EYS: variants seen among roughly 807,000 people sequenced by gnomAD.
EYS encodes the protein protein eyes shut homolog.
In EYS, 250 loss-of-function variants were observed where a neutral mutation model predicts 282.1. The ratio of observed to expected loss-of-function variants is 0.89; its 90% CI spans 0.80 to 0.98. EYS has a LOEUF of 0.98. EYS is among the 50% of genes least tolerant of loss of function. The probability of loss-of-function intolerance (pLI) is 0.00; values close to 1 mark genes in which losing one functional copy is unlikely to be tolerated. For synonymous variants in EYS, 1,355 were observed against 1,282.9 expected (o/e 1.06, Z -1.20); for missense variants, 4,016 against 3,709.0 (o/e 1.08, Z -2.15).
intron 22 of EYS, among the ~76,000 whole-genome samples, chr6:64,788,754 C>G (rs1308236963): frequency 6.6e-6 from 1 of 152,150 alleles, no homozygotes; most frequent in Admixed American, 6.5e-5. Flanking sequence ...CTTCTCTTGT[C>G]TGCAAACTAA....
intron 2 of EYS, among the ~76,000 whole-genome samples, chr6:65,530,157 TAATC>T (rs1767710698): frequency 6.6e-6 from 1 of 152,196 alleles, no homozygotes; most frequent in African/African-American, 2.4e-5. Context: ...TATAATGAGA[TAATC>T]AACAGTGAGC....
rs1343546201 is a variant in EYS, at chr6:64,067,630, T to A, written c.6572-1139A>T. Among the ~76,000 whole-genome samples the A allele has an allele frequency of 9.5e-4, 145 of 152,272 alleles. 1 individual carries two copies. Among genetic ancestry groups the A allele is most frequent in the Non-Finnish European group, 2.4e-4 (16 of 67,996 alleles). On this transcript the variant is annotated intron_variant, in intron 32 of 42. Transcript: ENST00000503581. The stretch of plus-strand genomic sequence containing the variant: ...ATAATCATTCTATTTTATTATGTGT[T>A]GGTGTTAATGTCCTACTTTTACTAA...
intron 24 of EYS, among the ~76,000 whole-genome samples, chr6:64,607,440 G>A (rs1766970017): frequency 6.6e-6 from 1 of 152,184 alleles, no homozygotes. Context: ...GGGATGTTTA[G>A]TGTCGGCTTT....
intron 13 of EYS, among the ~76,000 whole-genome samples, chr6:64,999,327 A>C (rs551306263): frequency 1.3e-3 from 197 of 152,368 alleles, no homozygotes; most frequent in Admixed American, 1.6e-3. Context: ...ACCAATAACC[A>C]TTTCACAGGA....
At chr6:64,656,163 C>T (rs1214252831) in intron 22 of EYS, among the ~76,000 whole-genome samples, 2 of 149,714 alleles carry the variant, frequency 1.3e-5, no homozygotes, top group East Asian at 3.9e-4. Context: ...ATATTACAAT[C>T]AAATACAGAG....
chr6:64,474,279 T>C (rs977475644), intron 26 of EYS, among the ~76,000 whole-genome samples: 1 of 152,182 alleles, frequency 6.6e-6, no homozygotes, highest in Admixed American at 6.5e-5. Flanking sequence ...AAGGCTAGCA[T>C]AAATCTTCAA....
At chr6:64,680,992 G>A (rs1769875947) in intron 22 of EYS, among the ~76,000 whole-genome samples, 1 of 152,194 alleles carries the variant, frequency 6.6e-6, no homozygotes, top group Non-Finnish European at 1.5e-5. Flanking sequence ...ATATAGCAGA[G>A]CAACAAACTA....
At position 64,045,517 on chromosome 6, in the gene EYS, C is replaced by G. The variant is rs1462797263; in HGVS notation, c.6725+20821G>C. Among the ~76,000 whole-genome samples, 4 of 150,948 alleles carry G rather than the reference C, an allele frequency of 2.6e-5. No homozygotes were observed. The East Asian group carries it at 7.8e-4, about 29-fold the overall frequency. On this transcript the variant is annotated intron_variant, in intron 33 of 42. Coordinates refer to ENST00000503581, the MANE Select transcript of EYS (RefSeq NM_001142800.2). ...CTGGAGTACAATGGCATGATCTTGG[C>G]TCACTGCAACCTCCACTTCCTGGTT...
intron 24 of EYS, 59 bp from the exon 25 acceptor site, chr6:64,593,368 T>A: frequency 7.3e-7 from 1 of 1,366,204 alleles, no homozygotes; most frequent in Non-Finnish European, 1.0e-6. Flanking sequence ...CTAAGAGAAA[T>A]TGTAAAGTTT....
At chr6:65,471,605 T>A (rs1765220623) in intron 5 of EYS, among the ~76,000 whole-genome samples, 2 of 152,068 alleles carry the variant, frequency 1.3e-5, no homozygotes, top group East Asian at 1.9e-4. Context: ...TAATTGAAAA[T>A]TCAGAATATG....
intron 24 of EYS, among the ~76,000 whole-genome samples, chr6:64,616,105 A>G (rs567085772): frequency 1.3e-5 from 2 of 152,288 alleles, no homozygotes; most frequent in South Asian, 2.1e-4. Context: ...AAAACATATC[A>G]TATGTAAAAT....
At chr6:65,640,643 T>G (rs1339350636) in intron 1 of EYS, among the ~76,000 whole-genome samples, 1 of 152,184 alleles carries the variant, frequency 6.6e-6, no homozygotes, top group African/African-American at 2.4e-5. Context: ...TTTGGCATGT[T>G]GAGAATATCA....
chr6:64,304,088 G>A (rs576939318), intron 30 of EYS, among the ~76,000 whole-genome samples: 3 of 152,158 alleles, frequency 2.0e-5, no homozygotes, highest in Admixed American at 2.0e-4. Context: ...GGAGACTTTT[G>A]TCATTTAATC....
intron 12 of EYS, among the ~76,000 whole-genome samples, chr6:65,123,762 A>T (rs62407207): frequency 7.1e-6 from 1 of 141,198 alleles, no homozygotes; most frequent in African/African-American, 3.0e-5. Flanking sequence ...ACCCACCCAC[A>T]CACACACACA....
intron 26 of EYS, among the ~76,000 whole-genome samples, chr6:64,509,127 T>C (rs1582834761): frequency 6.6e-6 from 1 of 152,162 alleles, no homozygotes. Flanking sequence ...ATTACAAAAA[T>C]TACAATTTTA....
intron 12 of EYS, among the ~76,000 whole-genome samples, chr6:65,091,270 C>T (rs1262101248): frequency 1.5e-5 from 1 of 68,758 alleles, no homozygotes; most frequent in Non-Finnish European, 2.6e-5. Flanking sequence ...CCCATCTCCC[C>T]TAAAAAAAAA....
At chr6:63,919,071 T>G (rs1764496830) in intron 35 of EYS, among the ~76,000 whole-genome samples, 1 of 152,148 alleles carries the variant, frequency 6.6e-6, no homozygotes, top group African/African-American at 2.4e-5. Context: ...GAGGCCATTT[T>G]TCTAGTCTAA....
intron 26 of EYS, among the ~76,000 whole-genome samples, chr6:64,560,751 G>T (rs758259588): frequency 1.9e-4 from 29 of 152,034 alleles, no homozygotes; most frequent in Non-Finnish European, 8.8e-5. Flanking sequence ...TGCAGTGAGG[G>T]GAGTGTCTGA....
Position 64,066,369 on chromosome 6 carries a change from TA to T in EYS, c.6693del (p.Asn2232ThrfsTer24). 6.4e-7 allele frequency: 1 copy of T among 1,551,774 alleles called. No homozygotes were observed. Among genetic ancestry groups the T allele is most frequent in the South Asian group, 1.2e-5 (1 of 84,020 alleles). On this transcript the variant is annotated frameshift_variant, in exon 33 of 43. Coordinates refer to ENST00000503581, the MANE Select transcript of EYS (RefSeq NM_001142800.2). LOFTEE classifies it high-confidence loss of function. ...NILTVSANYS[I>X]NTNAFTPITI... ...GTGATAGGGGTGAATGCATTTGTGTTAATGCTGTAATTAGCAGAAACAGTCA... is the reference window on the plus strand; with the variant it reads ...GTGATAGGGGTGAATGCATTTGTGTTATGCTGTAATTAGCAGAAACAGTCA...
Sources: gnomAD v4.1 joint callset for allele counts (sites outside exome capture counted in the v4.1 genomes callset) on GRCh38, gnomAD v4.1.1 for gene constraint, MANE v1.5 for transcripts, NCBI Gene and HGNC (gene_info 2026-07-23, HGNC 2026-07-21) for gene names.